The following TMEM132D variants were observed in gnomAD, a reference collection of about 807,000 sequenced individuals.
The protein encoded by TMEM132D is transmembrane protein 132D.
In TMEM132D, 21 loss-of-function variants were observed where a neutral mutation model predicts 62.3. The observed-to-expected ratio is 0.34, with a 90% CI of 0.24 to 0.49. The LOEUF is 0.49. Ranked by LOEUF, TMEM132D falls within the 20% of genes least tolerant of loss-of-function variation. TMEM132D has a pLI of 0.99. For synonymous variants in TMEM132D, 621 were observed against 575.6 expected, an observed-to-expected ratio of 1.08 and a Z score of -1.13; for missense variants, 1,346 against 1,402.8, an observed-to-expected ratio of 0.96 and a Z score of 0.65.
chr12:129,797,219 C>G (rs1871589513), intron 1 of TMEM132D, among the ~76,000 whole-genome samples: 1 of 152,142 alleles, frequency 6.6e-6, no homozygotes. Context: ...TCTTTACTTT[C>G]AGGGTCTTTC....
At chr12:129,358,499 T>A (rs577989266) in intron 3 of TMEM132D, among the ~76,000 whole-genome samples, 1 of 152,250 alleles carries the variant, frequency 6.6e-6, no homozygotes, top group Admixed American at 6.5e-5. Flanking sequence ...ACTATGAAAA[T>A]TGGCAGACAC....
chr12:129,604,614 T>C (rs1346790491), intron 2 of TMEM132D, among the ~76,000 whole-genome samples: 1 of 152,162 alleles, frequency 6.6e-6, no homozygotes, highest in Admixed American at 6.5e-5. Context: ...CTCTGGTAAT[T>C]GTTTTCAGTT....
intron 5 of TMEM132D, among the ~76,000 whole-genome samples, chr12:129,173,992 G>A (rs1170643129): frequency 1.3e-5 from 2 of 152,146 alleles, no homozygotes; most frequent in South Asian, 4.2e-4. Context: ...AGAAAAGAGG[G>A]AAATACGAAT....
At chr12:129,706,626 T>C (rs777309941) in intron 1 of TMEM132D, among the ~76,000 whole-genome samples, 12 of 151,940 alleles carry the variant, frequency 7.9e-5, no homozygotes, top group African/African-American at 1.2e-4. Flanking sequence ...AAATAACTAA[T>C]GCTATTATAA....
rs1026943926 is a variant in TMEM132D, at chr12:129,700,469, C to A, written c.309G>T (p.Glu103Asp). ...GCATTAAATCCTGGGGCACCACTTG[C>A]TCGATGGAGAAAGGCCCGTAGCTGG... ...LNASYGPFSIEQVVPQDLMLP... is the reference protein window; with the variant it reads ...LNASYGPFSIDQVVPQDLMLP... Residue 103 changes from glutamate (E) to aspartate (D), a missense_variant, in exon 2 of 9, where the codon GAG becomes GAT. Transcript: ENST00000422113. 3.1e-6 allele frequency: 5 copies of A among 1,614,020 alleles called. No individual in the cohort carries two copies. The African/African-American group carries it at 6.7e-5, about 22-fold the overall frequency.
At chr12:129,503,575 A>C (rs550614821) in intron 3 of TMEM132D, among the ~76,000 whole-genome samples, 6 of 152,190 alleles carry the variant, frequency 3.9e-5, no homozygotes, top group Non-Finnish European at 8.8e-5. Context: ...TAAATCTAGA[A>C]TCTGCAGTCA....
chr12:129,786,324 G>T (rs555148350), intron 1 of TMEM132D, among the ~76,000 whole-genome samples: 1 of 152,236 alleles, frequency 6.6e-6, no homozygotes, highest in African/African-American at 2.4e-5. Flanking sequence ...TGTACTGTGG[G>T]TGTGGAGTTG....
chr12:129,634,097 C>T (rs1237459027), intron 2 of TMEM132D, among the ~76,000 whole-genome samples: 2 of 152,152 alleles, frequency 1.3e-5, no homozygotes, highest in Non-Finnish European at 2.9e-5. Context: ...TCCTCCCTGG[C>T]GTTGTCACGT....
intron 5 of TMEM132D, among the ~76,000 whole-genome samples, chr12:129,196,015 T>C (rs769997648): frequency 6.6e-6 from 1 of 151,962 alleles, no homozygotes; most frequent in Admixed American, 6.6e-5. Flanking sequence ...TAATCTCAGC[T>C]ACTTGGGAGG....
At chr12:129,346,063 G>T (rs544135307) in intron 3 of TMEM132D, among the ~76,000 whole-genome samples, 1 of 152,156 alleles carries the variant, frequency 6.6e-6, no homozygotes, top group South Asian at 2.1e-4. Flanking sequence ...GAATCCATCT[G>T]GTCCTGGGCT....
intron 2 of TMEM132D, among the ~76,000 whole-genome samples, chr12:129,569,220 C>A (rs1228879304): frequency 6.6e-6 from 1 of 152,220 alleles, no homozygotes. Flanking sequence ...AATGGGTTTA[C>A]ACAATGCTAA....
intron 3 of TMEM132D, among the ~76,000 whole-genome samples, chr12:129,392,517 G>T (rs1871315038): frequency 6.6e-6 from 1 of 152,194 alleles, no homozygotes; most frequent in Admixed American, 6.5e-5. Flanking sequence ...ACATCCACAT[G>T]CAGCATGCGC....
intron 2 of TMEM132D, 51 bp downstream of exon 2, chr12:129,699,759 A>T (rs770013475): frequency 6.3e-7 from 1 of 1,587,348 alleles, no homozygotes; most frequent in Non-Finnish European, 8.6e-7. Flanking sequence ...CTTCTGGAAA[A>T]CACCACCTGA....
At chr12:129,191,822 T>C (rs1476776388) in intron 5 of TMEM132D, among the ~76,000 whole-genome samples, 1 of 151,984 alleles carries the variant, frequency 6.6e-6, no homozygotes, top group Non-Finnish European at 1.5e-5. Flanking sequence ...TGTCCTCCAG[T>C]TGGAAACTCA....
At chr12:129,449,554 G>T (rs963539580) in intron 3 of TMEM132D, among the ~76,000 whole-genome samples, 1 of 152,116 alleles carries the variant, frequency 6.6e-6, no homozygotes, top group Non-Finnish European at 1.5e-5. Flanking sequence ...AGCAATATGG[G>T]TACACGGAGT....
chr12:129,888,320 G>A (rs1429633984), intron 1 of TMEM132D, among the ~76,000 whole-genome samples: 1 of 152,176 alleles, frequency 6.6e-6, no homozygotes, highest in Non-Finnish European at 1.5e-5. Context: ...TTCTACTGAA[G>A]TCACTATTGA....
intron 3 of TMEM132D, among the ~76,000 whole-genome samples, chr12:129,347,665 C>A (rs1401639469): frequency 6.6e-6 from 1 of 152,150 alleles, no homozygotes. Flanking sequence ...GACTTCATGA[C>A]TAAAACACCA....
intron 1 of TMEM132D, among the ~76,000 whole-genome samples, chr12:129,868,758 C>A (rs763683815): frequency 4.6e-5 from 7 of 152,178 alleles, no homozygotes; most frequent in Non-Finnish European, 7.3e-5. Context: ...CACTGTCCAG[C>A]TGCTTGCGAT....
chr12:129,797,748 G>A lies in TMEM132D; in HGVS notation c.80-97050C>T, dbSNP rs73431503. The stretch of plus-strand genomic sequence containing the variant: ...ACATGTCCCTGGATAACCTGGAAGA[G>A]GGCAGGCATTCTGAATTCTGGGCTG... On this transcript the variant is annotated intron_variant, in intron 1 of 8. Coordinates refer to ENST00000422113, the MANE Select transcript of TMEM132D (RefSeq NM_133448.3). Among the ~76,000 whole-genome samples the A allele has an allele frequency of 3.9e-3, 599 of 152,296 alleles. 4 individuals carry two copies. The highest frequency in any genetic ancestry group is 0.014 in the African/African-American group (576 of 41,564).
Sources: gnomAD v4.1 joint callset for allele counts (sites outside exome capture counted in the v4.1 genomes callset) on GRCh38, gnomAD v4.1.1 for gene constraint, MANE v1.5 for transcripts, NCBI Gene and HGNC (gene_info 2026-07-23, HGNC 2026-07-21) for gene names.